DSCAM: variants seen among roughly 807,000 people sequenced by gnomAD.
DSCAM encodes cell adhesion molecule DSCAM.
DSCAM carries 47 observed loss-of-function variants against 217.7 expected under a neutral mutation model. That is an observed-to-expected ratio of 0.22 (90% CI 0.17 to 0.28). The LOEUF (loss-of-function observed/expected upper bound fraction) is 0.28, where lower values mean the gene tolerates loss of function less well. DSCAM is among the 10% of genes least tolerant of loss of function. DSCAM has a pLI of 1.00. For missense variants in DSCAM, 2,080 were observed against 2,618.3 expected (o/e 0.79, Z 4.49); for synonymous variants, 1,056 against 1,015.3 (o/e 1.04, Z -0.76).
At chr21:40,651,737 G>T (rs1568963774) in intron 3 of DSCAM, among the ~76,000 whole-genome samples, 2 of 152,168 alleles carry the variant, frequency 1.3e-5, no homozygotes, top group Non-Finnish European at 2.9e-5. Flanking sequence ...GATTGCTCAA[G>T]AAATATCTTG....
chr21:40,316,229 GT>G (rs1377531501), intron 8 of DSCAM, among the ~76,000 whole-genome samples: 1 of 152,162 alleles, frequency 6.6e-6, no homozygotes, highest in Admixed American at 6.5e-5. Flanking sequence ...TTTGCTATGT[GT>G]TGCTTTGCTT....
chr21:40,570,369 CAT>C (rs2076796882), intron 3 of DSCAM, among the ~76,000 whole-genome samples: 1 of 152,220 alleles, frequency 6.6e-6, no homozygotes. Context: ...AGCCCAGCCA[CAT>C]GTCAGATTGA....
At chr21:40,730,909 G>A (rs775540596) in intron 1 of DSCAM, among the ~76,000 whole-genome samples, 2 of 152,170 alleles carry the variant, frequency 1.3e-5, no homozygotes, top group Non-Finnish European at 2.9e-5. Flanking sequence ...TCAGAAAAAT[G>A]TTTAGCCCAT....
chr21:40,271,269 T>C (rs2073612728), intron 11 of DSCAM, among the ~76,000 whole-genome samples: 1 of 152,226 alleles, frequency 6.6e-6, no homozygotes, highest in African/African-American at 2.4e-5. Context: ...GGGGGTTCAC[T>C]AGATTCCAAG....
At chr21:40,513,008 T>G (rs1289860745) in intron 3 of DSCAM, 3 of 152,286 alleles carry the variant, frequency 2.0e-5, no homozygotes, top group African/African-American at 7.2e-5. Flanking sequence ...CAAGCGATTC[T>G]CCTACCTCAG....
At chr21:40,637,598 T>TATATAAATATACAC (rs2089814808) in intron 3 of DSCAM, among the ~76,000 whole-genome samples, 1 of 49,660 alleles carries the variant, frequency 2.0e-5, no homozygotes, top group Non-Finnish European at 3.5e-5. Context: ...TATATAAATA[T>TATATAAATATACAC]ATATATAAAT....
At chr21:40,502,646 GT>G (rs1418237955) in intron 3 of DSCAM, among the ~76,000 whole-genome samples, 3 of 152,110 alleles carry the variant, frequency 2.0e-5, no homozygotes, top group African/African-American at 4.8e-5. Context: ...TCTGACACGG[GT>G]TCTCCCGTCT....
intron 3 of DSCAM, among the ~76,000 whole-genome samples, chr21:40,448,671 T>C (rs1569128195): frequency 6.6e-6 from 1 of 152,188 alleles, no homozygotes; most frequent in Non-Finnish European, 1.5e-5. Context: ...TCTAATCTTC[T>C]ACTGGCTCTC....
intron 1 of DSCAM, among the ~76,000 whole-genome samples, chr21:40,836,540 C>T (rs2092058047): frequency 1.3e-5 from 2 of 152,140 alleles, no homozygotes; most frequent in South Asian, 4.1e-4. Flanking sequence ...AAGACCTAAC[C>T]CTGTATACAG....
intron 3 of DSCAM, among the ~76,000 whole-genome samples, chr21:40,406,870 C>T (rs1181264118): frequency 6.6e-6 from 1 of 152,074 alleles, no homozygotes; most frequent in African/African-American, 2.4e-5. Context: ...CCACCTGCCT[C>T]GACCTCCCAG....
At chr21:40,162,682 C>T (rs962963031) in intron 16 of DSCAM, among the ~76,000 whole-genome samples, 1 of 152,146 alleles carries the variant, frequency 6.6e-6, no homozygotes, top group East Asian at 1.9e-4. Flanking sequence ...TCTGAATATT[C>T]AACTTAGTAT....
intron 1 of DSCAM, among the ~76,000 whole-genome samples, chr21:40,754,807 G>C (rs752002019): frequency 6.6e-5 from 10 of 151,540 alleles, no homozygotes; most frequent in Non-Finnish European, 1.3e-4. Context: ...CTTCACACAC[G>C]GAGTTGATGG....
chr21:40,610,978 A>G (rs1209197190), intron 3 of DSCAM, among the ~76,000 whole-genome samples: 3 of 152,174 alleles, frequency 2.0e-5, no homozygotes, highest in Non-Finnish European at 2.9e-5. Context: ...TGAGACATAA[A>G]TGTGAACTGC....
At chr21:40,457,365 A>G (rs964279112) in intron 3 of DSCAM, among the ~76,000 whole-genome samples, 2 of 152,112 alleles carry the variant, frequency 1.3e-5, no homozygotes, top group Non-Finnish European at 2.9e-5. Flanking sequence ...ATACAAAGTT[A>G]GTCAGGTGTG....
intron 11 of DSCAM, among the ~76,000 whole-genome samples, chr21:40,265,108 G>A (rs1045141275): frequency 2.0e-5 from 3 of 151,776 alleles, no homozygotes; most frequent in South Asian, 2.1e-4. Flanking sequence ...CAGGAGAACC[G>A]CCTGAACCAG....
intron 1 of DSCAM, among the ~76,000 whole-genome samples, chr21:40,730,539 C>CATA (rs1330453964): frequency 6.6e-6 from 1 of 152,174 alleles, no homozygotes. Flanking sequence ...TCTGTAAAGA[C>CATA]ATAACTGTTC....
chr21:40,770,008 T>C (rs1194975547), intron 1 of DSCAM, among the ~76,000 whole-genome samples: 1 of 152,228 alleles, frequency 6.6e-6, no homozygotes, highest in Middle Eastern at 3.2e-3. Context: ...CAAAATGCAA[T>C]TGCAGGGTCT....
intron 3 of DSCAM, among the ~76,000 whole-genome samples, chr21:40,598,831 T>C (rs2077041643): frequency 6.6e-6 from 1 of 152,126 alleles, no homozygotes; most frequent in African/African-American, 2.4e-5. Context: ...GACTCTGCCG[T>C]CTCTGTTACT....
intron 3 of DSCAM, among the ~76,000 whole-genome samples, chr21:40,547,448 A>G (rs1207249549): frequency 6.6e-6 from 1 of 152,234 alleles, no homozygotes; most frequent in African/African-American, 2.4e-5. Context: ...CCTGGGATTC[A>G]GCTGTCAGGC....
Sources: allele counts gnomAD v4.1 joint callset (sites outside exome capture counted in the v4.1 genomes callset), GRCh38; gene constraint gnomAD v4.1.1; transcripts MANE v1.5; gene names NCBI Gene and HGNC (gene_info 2026-07-23, HGNC 2026-07-21).